Variants in ADAMTS19 observed in about 807,000 individuals in gnomAD.
ADAMTS19 encodes the protein ADAM metallopeptidase with thrombospondin type 1 motif 19.
In ADAMTS19, 93 loss-of-function variants were observed where a neutral mutation model predicts 153.3. The observed-to-expected ratio is 0.61, with a 90% CI of 0.51 to 0.72. The LOEUF (loss-of-function observed/expected upper bound fraction) is 0.72, where lower values mean the gene tolerates loss of function less well. Ranked by LOEUF, ADAMTS19 falls within the 30% of genes least tolerant of loss-of-function variation. ADAMTS19 has a pLI of 0.00. For synonymous variants in ADAMTS19, 600 were observed against 556.6 expected (o/e 1.08, Z -1.10); for missense variants, 1,482 against 1,552.1 (o/e 0.95, Z 0.76).
chr5:129,680,713 G>A (rs1383090211), intron 17 of ADAMTS19, among the ~76,000 whole-genome samples: 1 of 146,558 alleles, frequency 6.8e-6, no homozygotes, highest in African/African-American at 2.6e-5. Flanking sequence ...AGTGAGCAGA[G>A]ATCAAGCCAC....
At chr5:129,685,120 A>G (rs1293302661) in intron 18 of ADAMTS19, among the ~76,000 whole-genome samples, 3 of 152,162 alleles carry the variant, frequency 2.0e-5, no homozygotes, top group East Asian at 3.9e-4. Flanking sequence ...TCTGGCATTC[A>G]GGAGAGAATA....
At chr5:129,516,156 A>G (rs1027945357) in intron 3 of ADAMTS19, among the ~76,000 whole-genome samples, 2 of 151,724 alleles carry the variant, frequency 1.3e-5, no homozygotes, top group Non-Finnish European at 2.9e-5. Flanking sequence ...TGATGAATGA[A>G]CTTTCTAATG....
chr5:129,642,459 A>T (rs540627977), intron 11 of ADAMTS19, among the ~76,000 whole-genome samples: 16 of 152,318 alleles, frequency 1.1e-4, no homozygotes, highest in African/African-American at 3.8e-4. Context: ...AATGTACTTC[A>T]TAAGGCTTTA....
chr5:129,600,574 G>A (rs1257427107), intron 8 of ADAMTS19, among the ~76,000 whole-genome samples: 1 of 151,896 alleles, frequency 6.6e-6, no homozygotes, highest in Non-Finnish European at 1.5e-5. Flanking sequence ...TATATAGCTG[G>A]AAAAATCAAT....
At chr5:129,490,650 A>G (rs1239270739) in intron 2 of ADAMTS19, among the ~76,000 whole-genome samples, 1 of 152,160 alleles carries the variant, frequency 6.6e-6, no homozygotes, top group Admixed American at 6.5e-5. Flanking sequence ...AGGAAAGTAA[A>G]GTCTAGGTAA....
intron 7 of ADAMTS19, among the ~76,000 whole-genome samples, chr5:129,558,456 T>C (rs891652645): frequency 1.3e-5 from 2 of 152,098 alleles, no homozygotes; most frequent in African/African-American, 2.4e-5. Flanking sequence ...ATGACAAATA[T>C]GTAAGACATA....
intron 6 of ADAMTS19, among the ~76,000 whole-genome samples, chr5:129,550,794 A>G (rs1490366184): frequency 2.0e-5 from 3 of 151,496 alleles, no homozygotes; most frequent in Non-Finnish European, 3.0e-5. Context: ...TACATTTCTC[A>G]TTTATGTACA....
rs967252380 is a variant in ADAMTS19, at chr5:129,578,094, A to G, written c.1373-18465A>G. ...CACACACACACATATATACATATAC[A>G]TACATATACATATGCATGTATATGT... On this transcript the variant is annotated intron_variant, in intron 7 of 22. Coordinates refer to ENST00000274487, the MANE Select transcript of ADAMTS19 (RefSeq NM_133638.6). 2.3e-3 allele frequency among the ~76,000 whole-genome samples: 92 copies of G among 40,304 alleles called. 5 individuals are homozygous for G. In the South Asian group the frequency reaches 0.055, roughly 24 times the overall value. 26.4% of individuals were successfully genotyped at this position (40,304 alleles called of 152,430 possible).
chr5:129,621,440 T>A (rs1041610404), intron 9 of ADAMTS19, among the ~76,000 whole-genome samples: 1 of 152,216 alleles, frequency 6.6e-6, no homozygotes, highest in Admixed American at 6.5e-5. Flanking sequence ...CCTAGCTTGC[T>A]AAACTCACTA....
intron 10 of ADAMTS19, among the ~76,000 whole-genome samples, chr5:129,635,708 G>A (rs554254029): frequency 4.2e-4 from 64 of 152,162 alleles, no homozygotes; most frequent in African/African-American, 1.5e-3. Flanking sequence ...TGGACACAGA[G>A]GGGAACAACA....
chr5:129,468,803 T>C (rs1458139524), intron 2 of ADAMTS19, among the ~76,000 whole-genome samples: 1 of 152,036 alleles, frequency 6.6e-6, no homozygotes, highest in Non-Finnish European at 1.5e-5. Flanking sequence ...TAATGATGGA[T>C]TCTTGTTCTG....
chr5:129,473,958 A>G (rs1221643320), intron 2 of ADAMTS19, among the ~76,000 whole-genome samples: 1 of 152,104 alleles, frequency 6.6e-6, no homozygotes, highest in Non-Finnish European at 1.5e-5. Flanking sequence ...GTTTAAGCAT[A>G]AAATTCAGTG....
At chr5:129,663,479 A>G (rs143189341) in intron 15 of ADAMTS19, among the ~76,000 whole-genome samples, 162 of 152,344 alleles carry the variant, frequency 1.1e-3, no homozygotes, top group African/African-American at 3.7e-3. Flanking sequence ...CCAAAACTAG[A>G]TGATTTCTCT....
intron 2 of ADAMTS19, among the ~76,000 whole-genome samples, chr5:129,488,545 T>G (rs1365413196): frequency 6.6e-6 from 1 of 152,076 alleles, no homozygotes; most frequent in African/African-American, 2.4e-5. Flanking sequence ...AAAGATCAGG[T>G]TTTTAATGTT....
At chr5:129,645,503 T>A (rs189800697) in intron 11 of ADAMTS19, among the ~76,000 whole-genome samples, 143 of 152,336 alleles carry the variant, frequency 9.4e-4, no homozygotes, top group African/African-American at 3.2e-3. Context: ...TTAAATACTA[T>A]GCTGTAGTAC....
intron 6 of ADAMTS19, 43 bp downstream of exon 6, chr5:129,528,720 C>A (rs980157008): frequency 6.7e-6 from 10 of 1,482,552 alleles, no homozygotes; most frequent in African/African-American, 1.4e-5. Flanking sequence ...CTAATTCAAT[C>A]ACTGCACTGT....
At chr5:129,537,084 A>T (rs1342778425) in intron 6 of ADAMTS19, among the ~76,000 whole-genome samples, 2 of 151,982 alleles carry the variant, frequency 1.3e-5, no homozygotes, top group Non-Finnish European at 2.9e-5. Flanking sequence ...AAGAAAAAAG[A>T]AAAAAACAAC....
chr5:129,487,298 C>T (rs1750630341), intron 2 of ADAMTS19, among the ~76,000 whole-genome samples: 1 of 151,954 alleles, frequency 6.6e-6, no homozygotes, highest in African/African-American at 2.4e-5. Flanking sequence ...GGTAGTTTTT[C>T]AATATATGAT....
At chr5:129,551,796 G>C in intron 6 of ADAMTS19, 68 bp from the exon 7 acceptor site, 1 of 924,260 alleles carries the variant, frequency 1.1e-6, no homozygotes, top group South Asian at 1.6e-5. Flanking sequence ...TATTAAAAAT[G>C]AGTCACTTGA....
Sources: allele counts gnomAD v4.1 joint callset (sites outside exome capture counted in the v4.1 genomes callset), GRCh38; gene constraint gnomAD v4.1.1; transcripts MANE v1.5; gene names NCBI Gene and HGNC (gene_info 2026-07-23, HGNC 2026-07-21).